EPM2A: variants seen among roughly 807,000 people sequenced by gnomAD.
EPM2A encodes the protein EPM2A glucan phosphatase, laforin, also known as laforin.
EPM2A carries 21 observed loss-of-function variants against 26.5 expected under a neutral mutation model. The ratio of observed to expected loss-of-function variants is 0.79; its 90% CI spans 0.56 to 1.14. The LOEUF (loss-of-function observed/expected upper bound fraction) is 1.14. Among genes scored for constraint, EPM2A ranks in the 50% most tolerant of loss-of-function variants. The pLI, the probability that EPM2A is intolerant of heterozygous loss-of-function variation, is 0.00. For synonymous variants in EPM2A, 217 were observed against 177.6 expected, an observed-to-expected ratio of 1.22 and a Z score of -1.76; for missense variants, 458 against 440.8, an observed-to-expected ratio of 1.04 and a Z score of -0.35.
chr6:145,641,605 A>T (rs1441900494), intron 2 of EPM2A, among the ~76,000 whole-genome samples: 3 of 152,166 alleles, frequency 2.0e-5, no homozygotes, highest in Admixed American at 2.0e-4. Flanking sequence ...CTTTTCAAAT[A>T]TCCATACACC....
At chr6:145,667,949 G>T (rs1172516102) in intron 2 of EPM2A, among the ~76,000 whole-genome samples, 1 of 148,894 alleles carries the variant, frequency 6.7e-6, no homozygotes, top group Non-Finnish European at 1.5e-5. Context: ...TCACTCATAG[G>T]TGGGAATTAA....
chr6:145,698,114 C>T (rs544618360), intron 1 of EPM2A, among the ~76,000 whole-genome samples: 5 of 152,310 alleles, frequency 3.3e-5, no homozygotes, highest in South Asian at 2.1e-4. Flanking sequence ...TCACAATCCA[C>T]GTTCTTCTGC....
chr6:145,620,956 C>T (rs963382488), downstream of EPM2A, among the ~76,000 whole-genome samples: 1 of 152,140 alleles, frequency 6.6e-6, no homozygotes, highest in African/African-American at 2.4e-5. Context: ...GGTGAGGACA[C>T]TTGTGATCTA....
At chr6:145,483,071 C>T (rs921787809) in intron 4 of EPM2A, among the ~76,000 whole-genome samples, 7 of 151,978 alleles carry the variant, frequency 4.6e-5, no homozygotes, top group Non-Finnish European at 8.8e-5. Context: ...AGTATTGACA[C>T]GATGTTAATG....
chr6:145,668,074 T>G (rs1473721985), intron 2 of EPM2A, among the ~76,000 whole-genome samples: 1 of 143,132 alleles, frequency 7.0e-6, no homozygotes, highest in Non-Finnish European at 1.5e-5. Context: ...AGATGACGAG[T>G]TAGTGGGTGC....
chr6:145,735,087 C>T (rs1416276053), intron 1 of EPM2A, 111 bp downstream of exon 1: 62 of 700,370 alleles, frequency 8.9e-5, no homozygotes, highest in Non-Finnish European at 1.0e-4. Flanking sequence ...GCAAAAAGCC[C>T]GGGACGCGCG....
intron 2 of EPM2A, among the ~76,000 whole-genome samples, chr6:145,591,630 T>G (rs998724421): frequency 6.6e-6 from 1 of 151,976 alleles, no homozygotes; most frequent in African/African-American, 2.4e-5. Context: ...GAGAAACACT[T>G]TATCAGGCAA....
chr6:145,385,991 A>G (rs1778256631), intron 4 of EPM2A, among the ~76,000 whole-genome samples: 1 of 152,150 alleles, frequency 6.6e-6, no homozygotes, highest in African/African-American at 2.4e-5. Flanking sequence ...GATTTCATTC[A>G]GATCTCAAAT....
intron 2 of EPM2A, among the ~76,000 whole-genome samples, chr6:145,576,768 T>C (rs767137536): frequency 5.3e-5 from 8 of 152,104 alleles, no homozygotes; most frequent in Non-Finnish European, 1.0e-4. Flanking sequence ...ACTTGTTGTG[T>C]AAAACATTCA....
At chr6:145,583,203 G>T (rs148168893) in intron 2 of EPM2A, among the ~76,000 whole-genome samples, 1,677 of 152,308 alleles carry the variant, frequency 0.011, 17 homozygotes, top group South Asian at 0.034. Flanking sequence ...TGGAACTAGT[G>T]TGGTCATTTG....
At chr6:145,682,368 T>G (rs538182035) in intron 2 of EPM2A, 12 of 152,262 alleles carry the variant, frequency 7.9e-5, no homozygotes, top group African/African-American at 2.6e-4. Flanking sequence ...AGACGAGATT[T>G]GGGTCGGGAC....
At chr6:145,606,829 T>C (rs1200234789) in intron 2 of EPM2A, among the ~76,000 whole-genome samples, 4 of 152,190 alleles carry the variant, frequency 2.6e-5, no homozygotes, top group Admixed American at 2.6e-4. Flanking sequence ...AGAGAATCTC[T>C]GAGCAGACAA....
chr6:145,598,772 C>A (rs192293596), intron 2 of EPM2A, among the ~76,000 whole-genome samples: 15 of 152,044 alleles, frequency 9.9e-5, no homozygotes, highest in Admixed American at 2.0e-4. Context: ...CATCTTGAGT[C>A]GATTTTTGAA....
At chr6:145,422,838 T>C (rs1191029541) in intron 4 of EPM2A, among the ~76,000 whole-genome samples, 3 of 152,136 alleles carry the variant, frequency 2.0e-5, no homozygotes, top group African/African-American at 7.2e-5. Context: ...ATCAACAAGG[T>C]AGTATCAATC....
chr6:145,491,028 A>G lies in EPM2A; in HGVS notation c.555+11494T>C, dbSNP rs1183856375. 3.3e-6 allele frequency: 3 copies of G among 895,622 alleles called. No individual in the cohort carries two copies. In the East Asian group the frequency reaches 1.1e-4, roughly 33 times the overall value. The allele number at this position is 895,622 out of a possible 1,614,324, so 55.5% of individuals were successfully genotyped here. A position where few individuals can be genotyped will look rare whatever the true frequency, so the allele number is the denominator to read the frequency against. On this transcript the variant is annotated intron_variant, in intron 4 of 4. Coordinates refer to the EPM2A transcript ENST00000638717. The stretch of plus-strand genomic sequence containing the variant: ...TGTGCCTTCAGCAATCTCTACCTCA[A>G]TTTCAACAGGTTCTGATTCTGCAGA...
intron 1 of EPM2A, among the ~76,000 whole-genome samples, chr6:145,704,903 C>A (rs965099989): frequency 1.3e-5 from 2 of 151,964 alleles, no homozygotes; most frequent in Non-Finnish European, 2.9e-5. Context: ...TGCTTTTTTC[C>A]TCAAATGTCT....
Position 145,386,868 on chromosome 6 carries a change from C to T in EPM2A, c.556-2771G>A, listed in dbSNP as rs375626609. 3.9e-5 allele frequency among the ~76,000 whole-genome samples: 6 copies of T among 152,224 alleles called. No homozygotes were observed. In the South Asian group the frequency reaches 1.2e-3, roughly 32 times the overall value. On this transcript the variant is annotated intron_variant, in intron 4 of 4. Transcript: ENST00000638717. ...GATTTTTCGTTCCTTTTCTTAGACT[C>T]TTTTGGGTGCCAGTAACAGAAATCT...
At chr6:145,395,762 C>G (rs958411008) in intron 4 of EPM2A, among the ~76,000 whole-genome samples, 1 of 152,194 alleles carries the variant, frequency 6.6e-6, no homozygotes, top group African/African-American at 2.4e-5. Context: ...TCACCACACA[C>G]AGACTAAAGG....
chr6:145,527,524 T>C (rs1041633711), intron 2 of EPM2A, among the ~76,000 whole-genome samples: 1 of 152,124 alleles, frequency 6.6e-6, no homozygotes. Flanking sequence ...ATTGAATCCT[T>C]TATCATTATA....
Sources: allele counts gnomAD v4.1 joint callset (sites outside exome capture counted in the v4.1 genomes callset), GRCh38; gene constraint gnomAD v4.1.1; transcripts MANE v1.5; gene names NCBI Gene and HGNC (gene_info 2026-07-23, HGNC 2026-07-21).